The following EIF4E2 variants were observed in gnomAD, a reference collection of about 807,000 sequenced individuals.
EIF4E2 encodes the protein eukaryotic translation initiation factor 4E family member 2.
EIF4E2 carries 13 observed loss-of-function variants against 34.2 expected under a neutral mutation model. That is an observed-to-expected ratio of 0.38 (90% CI 0.25 to 0.60). EIF4E2 has a LOEUF of 0.60. Ranked by LOEUF, EIF4E2 falls within the 20% of genes least tolerant of loss-of-function variation. The pLI, the probability that EIF4E2 is intolerant of heterozygous loss-of-function variation, is 0.62. For missense variants in EIF4E2, 222 were observed against 315.1 expected (o/e 0.70, Z 2.24); for synonymous variants, 100 against 106.6 (o/e 0.94, Z 0.38).
At chr2:232,572,532 A>AT (rs1303168348), downstream of EIF4E2, among the ~76,000 whole-genome samples, 1 of 151,730 alleles carries the variant, frequency 6.6e-6, no homozygotes, top group East Asian at 1.9e-4. Flanking sequence ...TGCTTGGCTA[A>AT]TTTTTTGTAT....
intron 6 of EIF4E2, among the ~76,000 whole-genome samples, chr2:232,578,554 C>T (rs1006769339): frequency 2.0e-5 from 3 of 151,762 alleles, no homozygotes; most frequent in Non-Finnish European, 2.9e-5. Context: ...TCGCTTGAAC[C>T]CAGGAGGCGG....
At chr2:232,574,423 T>A (rs1693161379) in intron 6 of EIF4E2, 1 of 1,413,110 alleles carries the variant, frequency 7.1e-7, no homozygotes, top group Non-Finnish European at 9.7e-7. Flanking sequence ...CCCCCAAACT[T>A]GCCTCTACCA....
Position 232,550,695 on chromosome 2 carries a change from T to A in EIF4E2, c.-30T>A. On this transcript the variant is annotated 5_prime_UTR_variant, in exon 1 of 7. Transcript: ENST00000258416. ...ACCCGGTGGAGCGGAAGTCACTCCC[T>A]GAGGCAGTGGCGACAGCGGCGGCGA... is the stretch of plus-strand genomic sequence containing the variant. 1 of 1,583,256 alleles carries A rather than the reference T, an allele frequency of 6.3e-7. No homozygotes were observed. The highest frequency in any genetic ancestry group is 8.6e-7 in the Non-Finnish European group (1 of 1,166,274).
At chr2:232,576,190 G>A (rs867654191) in intron 6 of EIF4E2, among the ~76,000 whole-genome samples, 11 of 138,672 alleles carry the variant, frequency 7.9e-5, no homozygotes, top group Middle Eastern at 7.4e-3. Context: ...GCAACAGAGC[G>A]AGACTCCATC....
chr2:232,580,662 C>A, intron 6 of EIF4E2, among the ~76,000 whole-genome samples: 1 of 152,180 alleles, frequency 6.6e-6, no homozygotes, highest in East Asian at 1.9e-4. Context: ...AACCGGTCCT[C>A]TCTTGATCGG....
intron 6 of EIF4E2, among the ~76,000 whole-genome samples, chr2:232,578,104 C>T (rs1481409245): frequency 1.3e-5 from 2 of 152,294 alleles, no homozygotes; most frequent in Admixed American, 1.3e-4. Flanking sequence ...GAAGGCTGGA[C>T]CAAAGCCATA....
intron 6 of EIF4E2, chr2:232,580,769 G>A (rs920779427): frequency 1.3e-6 from 1 of 756,848 alleles, no homozygotes; most frequent in Non-Finnish European, 2.1e-6. Flanking sequence ...CATTAGATTG[G>A]CAAGTGAAGA....
chr2:232,560,638 T>C (rs1692690332), intron 3 of EIF4E2, among the ~76,000 whole-genome samples: 1 of 152,056 alleles, frequency 6.6e-6, no homozygotes, highest in Admixed American at 6.6e-5. Context: ...TTCAAAACTT[T>C]TCTGCTTCAA....
intron 6 of EIF4E2, among the ~76,000 whole-genome samples, chr2:232,576,962 A>G (rs544184772): frequency 1.3e-5 from 2 of 152,310 alleles, no homozygotes; most frequent in South Asian, 2.1e-4. Context: ...ATTACCTGTG[A>G]CTGTTAGTAT....
intron 4 of EIF4E2, among the ~76,000 whole-genome samples, chr2:232,565,580 G>A (rs952831332): frequency 6.6e-6 from 1 of 152,022 alleles, no homozygotes; most frequent in African/African-American, 2.4e-5. Flanking sequence ...GTTGCACTGA[G>A]CCAAGATTGT....
rs140152833 is a variant in EIF4E2, at chr2:232,568,970, A to G, written c.691A>G (p.Arg231Gly). The G allele has an allele frequency of 6.2e-7, 1 of 1,614,118 alleles. No homozygotes were observed. The highest frequency in any genetic ancestry group is 8.5e-7 in the Non-Finnish European group (1 of 1,180,026). Reference sequence around the variant, plus strand: ...AATGCCAGGCAGGCTGGGCCCCCAAAGGCTCCTTTTTCAAAACCTCTGGAA... The same window carrying G: ...AATGCCAGGCAGGCTGGGCCCCCAAGGGCTCCTTTTTCAAAACCTCTGGAA... ...IKMPGRLGPQRLLFQNLWKPR... is the reference protein window; with the variant it reads ...IKMPGRLGPQGLLFQNLWKPR... Residue 231 changes from arginine to glycine, a missense_variant, in exon 7 of 7, where the codon AGG becomes GGG. This residue lies in a region of EIF4E2 where 30 missense variants were observed against 26.3 expected (regional missense o/e 1.14). Coordinates refer to ENST00000258416, the MANE Select transcript of EIF4E2 (RefSeq NM_004846.4).
chr2:232,568,632 G>A, intron 6 of EIF4E2: 1 of 985,410 alleles, frequency 1.0e-6, no homozygotes. Flanking sequence ...GAGGGAAAGA[G>A]GTATTTTTCA....
chr2:232,564,228 TGGGG>T lies in EIF4E2; in HGVS notation c.271-18_271-15del. On this transcript the variant is annotated splice_polypyrimidine_tract_variant and intron_variant, in intron 3 of 6. Transcript: ENST00000258416. ...AGTAAAAGACACATGTTTTTTACTC[TGGGG>T]TCTTCTCTCTGCAGGTGGAGCAGTT... The T allele has an allele frequency of 6.5e-7, 1 of 1,541,942 alleles. No homozygotes were observed. Among genetic ancestry groups the T allele is most frequent in the Non-Finnish European group, 8.8e-7 (1 of 1,132,508 alleles).
chr2:232,559,824 T>TAAAAAAAAAAAAAAAA (rs576233672), intron 3 of EIF4E2, among the ~76,000 whole-genome samples: 1 of 115,506 alleles, frequency 8.7e-6, no homozygotes, highest in African/African-American at 3.7e-5. Flanking sequence ...ACGGGAGCAT[T>TAAAAAAAAAAAAAAAA]AAAAAAAAAA....
At chr2:232,580,298 G>T (rs1019449573) in intron 6 of EIF4E2, among the ~76,000 whole-genome samples, 2 of 152,122 alleles carry the variant, frequency 1.3e-5, no homozygotes, top group African/African-American at 4.8e-5. Flanking sequence ...ATAAGACCAG[G>T]TGAATCATAC....
intron 6 of EIF4E2, chr2:232,574,317 T>A: frequency 6.4e-7 from 1 of 1,550,492 alleles, no homozygotes; most frequent in Admixed American, 2.0e-5. Flanking sequence ...GATCGGACGC[T>A]CCCCCTCTGT....
intron 3 of EIF4E2, 57 bp downstream of exon 3, chr2:232,558,075 G>T (rs1692587811): frequency 1.3e-6 from 2 of 1,572,830 alleles, no homozygotes; most frequent in Admixed American, 3.6e-5. Flanking sequence ...TGCCTGTATT[G>T]ATATGATGTT....
downstream of EIF4E2, among the ~76,000 whole-genome samples, chr2:232,573,102 G>A (rs987357355): frequency 6.6e-6 from 1 of 152,174 alleles, no homozygotes; most frequent in African/African-American, 2.4e-5. Context: ...TGAAACAGGT[G>A]TCTTGCTGTG....
intron 6 of EIF4E2, among the ~76,000 whole-genome samples, chr2:232,578,043 A>G (rs1228637472): frequency 2.6e-5 from 4 of 152,276 alleles, no homozygotes; most frequent in South Asian, 2.1e-4. Flanking sequence ...AGGTGAACAC[A>G]TTCCTCAGAC....
Sources: gnomAD v4.1 joint callset for allele counts (sites outside exome capture counted in the v4.1 genomes callset) on GRCh38, gnomAD v4.1.1 for gene constraint, gnomAD v4.1.1 regional missense constraint, MANE v1.5 for transcripts, NCBI Gene and HGNC (gene_info 2026-07-23, HGNC 2026-07-21) for gene names.